The following MSANTD4 variants were observed in gnomAD, a reference collection of about 807,000 sequenced individuals.
MSANTD4 encodes the protein Myb/SANT DNA binding domain containing 4 with coiled-coils, also known as myb/SANT-like DNA-binding domain-containing protein 4.
Under a neutral mutation model 34.3 loss-of-function variants are expected in MSANTD4, and 13 were observed. That is an observed-to-expected ratio of 0.38 (90% CI 0.25 to 0.60). The LOEUF is 0.60. MSANTD4 is among the 20% of genes least tolerant of loss of function. The pLI, the probability that MSANTD4 is intolerant of heterozygous loss-of-function variation, is 0.63. For synonymous variants in MSANTD4, 137 were observed against 145.2 expected, an observed-to-expected ratio of 0.94 and a Z score of 0.41; for missense variants, 358 against 401.8, an observed-to-expected ratio of 0.89 and a Z score of 0.93.
Position 106,011,086 on chromosome 11 carries a change from A to C in MSANTD4, c.-150-19T>G, listed in dbSNP as rs1448480222. On this transcript the variant is annotated intron_variant, in intron 1 of 2. Transcript: ENST00000301919. The stretch of plus-strand genomic sequence containing the variant: ...ATAATTCCTAAAAGGAAAAAAGTAC[A>C]AGCAATCAATCAATCTGCAACTTCT... 9.0e-6 allele frequency: 11 copies of C among 1,222,720 alleles called. No homozygotes were observed. The highest frequency in any genetic ancestry group is 1.5e-5 in the African/African-American group (1 of 65,576). The allele number at this position is 1,222,720 out of a possible 1,614,324, so 75.7% of individuals were successfully genotyped here.
intron 1 of MSANTD4, among the ~76,000 whole-genome samples, chr11:106,012,183 A>T (rs1421453113): frequency 3.3e-5 from 5 of 152,084 alleles, no homozygotes; most frequent in Non-Finnish European, 7.4e-5. Flanking sequence ...AGAAAAAGGA[A>T]AATATCACCA....
At chr11:106,020,092 G>A (rs543143413) in intron 1 of MSANTD4, among the ~76,000 whole-genome samples, 25 of 152,252 alleles carry the variant, frequency 1.6e-4, no homozygotes, top group African/African-American at 5.5e-4. Context: ...TTTCTTCACT[G>A]GATGAATAAT....
intron 1 of MSANTD4, among the ~76,000 whole-genome samples, chr11:106,013,165 C>G (rs1482034006): frequency 6.6e-6 from 1 of 152,080 alleles, no homozygotes; most frequent in Non-Finnish European, 1.5e-5. Flanking sequence ...TAAGGGGAAA[C>G]AGGGCTCAGA....
In MSANTD4 at chr11:106,009,840, T is replaced by C. The variant is rs1859634960; in HGVS notation, c.733A>G (p.Met245Val). ...IEKERLRHLD[M>V]EHERLQLEKE... ...TCTAGCTGAAGCCGCTCATGTTCCA[T>C]GTCTAAATGCCGCAGCCTCTCTTTC... The change falls in exon 3 of 3, where the codon ATG becomes GTG. Residue 245 changes from methionine to valine, a missense_variant. By Grantham distance (21) the Met-to-Val change is conservative. Transcript: ENST00000301919. 2.5e-6 allele frequency: 4 copies of C among 1,614,152 alleles called. No individual in the cohort carries two copies. Among genetic ancestry groups the C allele is most frequent in the African/African-American group, 1.3e-5 (1 of 75,046 alleles).
rs769889206 is a variant in MSANTD4, at chr11:106,009,816, C to T, written c.757G>A (p.Glu253Lys). 1.5e-5 allele frequency: 24 copies of T among 1,614,212 alleles called. No homozygotes were observed. The South Asian group carries it at 2.5e-4, about 17-fold the overall frequency. The change falls in exon 3 of 3, where the codon GAG (glutamate) becomes AAG (lysine). Residue 253 changes from glutamate (E) to lysine (K), a missense_variant. Coordinates refer to ENST00000301919, the MANE Select transcript of MSANTD4 (RefSeq NM_032424.3). ...LDMEHERLQL[E>K]KERLQIEREK... is the part of the protein sequence containing the mutation. ...CTTTCAATCTGCAGCCGCTCCTTCT[C>T]TAGCTGAAGCCGCTCATGTTCCATG...
intron 2 of MSANTD4, 47 bp downstream of exon 2, chr11:106,010,409 C>A: frequency 6.5e-7 from 1 of 1,536,762 alleles, no homozygotes; most frequent in Admixed American, 2.0e-5. Context: ...TAATCTCCCA[C>A]ATCAGAATTG....
Position 106,009,430 on chromosome 11 carries a change from A to C in MSANTD4, c.*105T>G, listed in dbSNP as rs1859617793. ...TATAACTTTTTCCTACTGAACACTG[A>C]CATTAGACAAGAAACCACAGCTAAT... On this transcript the variant is annotated 3_prime_UTR_variant, in exon 3 of 3. Coordinates refer to ENST00000301919, the MANE Select transcript of MSANTD4 (RefSeq NM_032424.3). 2 of 1,107,496 alleles carry C rather than the reference A, an allele frequency of 1.8e-6. No homozygotes were observed. Among genetic ancestry groups the C allele is most frequent in the Non-Finnish European group, 2.6e-6 (2 of 777,318 alleles). The allele number at this position is 1,107,496 out of a possible 1,614,324, so 68.6% of individuals were successfully genotyped here.
rs1859616245 is a variant in MSANTD4 at position 106,009,352 on chromosome 11, G to C, written c.*183C>G. The C allele has an allele frequency of 1.7e-6, 1 of 599,098 alleles. No homozygotes were observed. Among genetic ancestry groups the C allele is most frequent in the African/African-American group, 1.9e-5 (1 of 53,876 alleles). 37.1% of individuals were successfully genotyped at this position (599,098 alleles called of 1,614,324 possible). A position where few individuals can be genotyped will look rare whatever the true frequency, so the allele number is the denominator to read the frequency against. On this transcript the variant is annotated 3_prime_UTR_variant, in exon 3 of 3. Transcript: ENST00000301919. ...CAGCACAGTAAGTTTCTGCTATACT[G>C]TTTACGCTAGGGCACAGCTTTTATA...
At chr11:106,013,912 A>G (rs962690212) in intron 1 of MSANTD4, among the ~76,000 whole-genome samples, 6 of 152,224 alleles carry the variant, frequency 3.9e-5, no homozygotes, top group African/African-American at 1.2e-4. Flanking sequence ...TTGAGATGTC[A>G]TTTAGTAAAA....
chr11:106,009,206 C>T lies in MSANTD4; in HGVS notation c.*329G>A. On this transcript the variant is annotated 3_prime_UTR_variant, in exon 3 of 3. Transcript: ENST00000301919. ...CTCCAGACATCACCAAATTGGTCTT[C>T]TGAAGGCCAAAATCTACCCCAGATG... is the stretch of plus-strand genomic sequence containing the variant. 1 of 201,946 alleles carries T rather than the reference C, an allele frequency of 5.0e-6. No homozygotes were observed. Among genetic ancestry groups the T allele is most frequent in the African/African-American group, 2.3e-5 (1 of 43,064 alleles). 12.5% of individuals were successfully genotyped at this position (201,946 alleles called of 1,614,324 possible).
At chr11:106,010,167 T>C in intron 2 of MSANTD4, 57 bp from the exon 3 acceptor site, 1 of 1,433,746 alleles carries the variant, frequency 7.0e-7, no homozygotes, top group South Asian at 1.4e-5. Context: ...TGGCAATTTG[T>C]CTAAATATTT....
rs751275003 is a variant in MSANTD4 at position 106,010,679 on chromosome 11, A to G, written c.239T>C (p.Met80Thr). The change falls in exon 2 of 3, where the codon ATG becomes ACG. Residue 80 changes from methionine (M) to threonine (T), a missense_variant. Transcript: ENST00000301919. The stretch of plus-strand genomic sequence containing the variant: ...GTTGGCCTTCATCCTCTTTCTCTTC[A>G]TAAGTGCTCGCCAGTCAAGGTACCT... ...KRRYLDWRAL[M>T]KRKRMKANIK... 6.2e-6 allele frequency: 10 copies of G among 1,614,038 alleles called. No individual in the cohort carries two copies. The highest frequency in any genetic ancestry group is 4.0e-5 in the African/African-American group (3 of 74,922).
rs1859668812 is a variant in MSANTD4 at position 106,010,711 on chromosome 11, C to T, written c.207G>A (p.Val69=). ...CTCGCCAGTCAAGGTACCTTCTTTTCACCTCTGTCCCTGTCCTCTGTTCTC... is the reference window on the plus strand; with the variant it reads ...CTCGCCAGTCAAGGTACCTTCTTTTTACCTCTGTCCCTGTCCTCTGTTCTC... ...GEGEQRTGTE[V]KRRYLDWRAL... is the part of the protein sequence containing the mutation. Residue 69 remains valine, a synonymous_variant, in exon 2 of 3, where the codon GTG becomes GTA. Transcript: ENST00000301919. 1.2e-6 allele frequency: 2 copies of T among 1,614,156 alleles called. No individual in the cohort carries two copies. The highest frequency in any genetic ancestry group is 4.5e-5 in the East Asian group (2 of 44,878).
Position 106,008,278 on chromosome 11 carries a change from G to C in MSANTD4, c.*1257C>G, listed in dbSNP as rs1043142. The stretch of plus-strand genomic sequence containing the variant: ...CCTTGGTCTCAGAATAAATATCAAA[G>C]AGACTAAAGATACGTGCTTTGTTCC... On this transcript the variant is annotated 3_prime_UTR_variant, in exon 3 of 3. Transcript: ENST00000301919. 1 of 152,458 alleles carries C rather than the reference G, an allele frequency of 6.6e-6. No homozygotes were observed. The highest frequency in any genetic ancestry group is 1.9e-4 in the East Asian group (1 of 5,170). The allele number at this position is 152,458 out of a possible 1,614,324, so 9.4% of individuals were successfully genotyped here. A position where few individuals can be genotyped will look rare whatever the true frequency, so the allele number is the denominator to read the frequency against.
chr11:106,010,657 G>T lies in MSANTD4; in HGVS notation c.261C>A (p.Ala87=). The T allele has an allele frequency of 6.2e-7, 1 of 1,614,048 alleles. No homozygotes were observed. Among genetic ancestry groups the T allele is most frequent in the Non-Finnish European group, 8.5e-7 (1 of 1,179,994 alleles). ...RALMKRKRMK[A]NIKLVGSGFP... is the part of the protein sequence containing the mutation. ...ATCCTGAACCAACCAGCTTAATGTT[G>T]GCCTTCATCCTCTTTCTCTTCATAA... is the stretch of plus-strand genomic sequence containing the variant. Residue 87 remains alanine (A), a synonymous_variant, in exon 2 of 3, where the codon GCC becomes GCA. Transcript: ENST00000301919.
chr11:106,009,487 GA>G lies in MSANTD4; in HGVS notation c.*47del, dbSNP rs749640445. On this transcript the variant is annotated 3_prime_UTR_variant, in exon 3 of 3. Coordinates refer to ENST00000301919, the MANE Select transcript of MSANTD4 (RefSeq NM_032424.3). ...ACCATCATTATATCACCTGATATGA[GA>G]AAAATCTAGAGTTTTCAAACATTTG... 38 of 1,521,918 alleles carry G rather than the reference GA, an allele frequency of 2.5e-5. No homozygotes were observed. The highest frequency in any genetic ancestry group is 2.1e-5 in the Admixed American group (1 of 47,212). 94.3% of individuals were successfully genotyped at this position (1,521,918 alleles called of 1,614,324 possible).
In MSANTD4 at chr11:106,021,602, T is replaced by C. The variant is rs1860038557; in HGVS notation, c.-791A>G. ...CCCTACCCAAATTCTCTTTAAAGTGTGGCTTTCCCCTCCCCTATATTCTTA... is the reference window on the plus strand; with the variant it reads ...CCCTACCCAAATTCTCTTTAAAGTGCGGCTTTCCCCTCCCCTATATTCTTA... On this transcript the variant is annotated 5_prime_UTR_variant, in exon 1 of 3. Transcript: ENST00000301919. The C allele has an allele frequency of 6.6e-6, 1 of 152,186 alleles. No individual in the cohort carries two copies. Among genetic ancestry groups the C allele is most frequent in the Non-Finnish European group, 1.5e-5 (1 of 68,038 alleles). The allele number at this position is 152,186 out of a possible 1,614,324, so 9.4% of individuals were successfully genotyped here.
intron 1 of MSANTD4, among the ~76,000 whole-genome samples, chr11:106,017,060 A>G (rs1405056671): frequency 6.6e-6 from 1 of 152,252 alleles, no homozygotes; most frequent in Non-Finnish European, 1.5e-5. Context: ...TTAAGGTAAA[A>G]GCATGGTAAA....
At chr11:106,011,164 A>C (rs984919064) in intron 1 of MSANTD4, 97 bp from the exon 2 acceptor site, 5 of 533,944 alleles carry the variant, frequency 9.4e-6, no homozygotes, top group African/African-American at 7.7e-5. Context: ...AACAAAAAAC[A>C]ACCCTCTAAA....
Sources: gnomAD v4.1 joint callset for allele counts (sites outside exome capture counted in the v4.1 genomes callset) on GRCh38, gnomAD v4.1.1 for gene constraint, MANE v1.5 for transcripts, NCBI Gene and HGNC (gene_info 2026-07-23, HGNC 2026-07-21) for gene names.